The following CFAP299 variants were observed in gnomAD, a reference collection of about 807,000 sequenced individuals.
CFAP299 encodes cilia and flagella associated protein 299, also known as cilia- and flagella-associated protein 299.
CFAP299 carries 21 observed loss-of-function variants against 27.0 expected under a neutral mutation model. The observed-to-expected ratio is 0.78, with a 90% CI of 0.55 to 1.12. The LOEUF (loss-of-function observed/expected upper bound fraction) is 1.12. Among genes scored for constraint, CFAP299 ranks in the 50% most tolerant of loss-of-function variants. The pLI is 0.00. For missense variants in CFAP299, 310 were observed against 276.6 expected (o/e 1.12, Z -0.86); for synonymous variants, 104 against 98.1 (o/e 1.06, Z -0.36).
chr4:80,516,862 G>T (rs779327203), intron 2 of CFAP299, among the ~76,000 whole-genome samples: 1 of 152,094 alleles, frequency 6.6e-6, no homozygotes, highest in Admixed American at 6.5e-5. Flanking sequence ...TTAAGTGTAG[G>T]CTACTTATTT....
chr4:80,788,111 T>A (rs1727349097), intron 3 of CFAP299, among the ~76,000 whole-genome samples: 2 of 152,084 alleles, frequency 1.3e-5, no homozygotes, highest in African/African-American at 4.8e-5. Context: ...TCAATGCTGC[T>A]AATCTGGGGA....
chr4:80,759,875 G>A (rs1307039342), intron 3 of CFAP299, among the ~76,000 whole-genome samples: 1 of 150,422 alleles, frequency 6.6e-6, no homozygotes, highest in African/African-American at 2.4e-5. Context: ...CCTTAAACGT[G>A]TTTTTTTTTG....
At chr4:80,338,827 A>T (rs1299991905) in intron 1 of CFAP299, among the ~76,000 whole-genome samples, 1 of 152,166 alleles carries the variant, frequency 6.6e-6, no homozygotes, top group Non-Finnish European at 1.5e-5. Flanking sequence ...TCTTCCAGGT[A>T]CTCTTGTATT....
intron 2 of CFAP299, among the ~76,000 whole-genome samples, chr4:80,429,600 A>G (rs1727708019): frequency 1.3e-5 from 2 of 152,058 alleles, no homozygotes; most frequent in Non-Finnish European, 2.9e-5. Context: ...ATGTGGACTG[A>G]GCTTGGTTAT....
chr4:80,636,850 AT>A (rs1348037866), intron 3 of CFAP299, among the ~76,000 whole-genome samples: 1 of 152,172 alleles, frequency 6.6e-6, no homozygotes, highest in Non-Finnish European at 1.5e-5. Context: ...AACCTAAAAT[AT>A]TTACTTGTTC....
intron 3 of CFAP299, among the ~76,000 whole-genome samples, chr4:80,863,511 C>G (rs1732509686): frequency 2.0e-5 from 3 of 152,156 alleles, no homozygotes; most frequent in Admixed American, 1.3e-4. Context: ...CTTTTGAGGT[C>G]ACAGGCTCCC....
At chr4:80,723,181 C>T (rs1722937689) in intron 3 of CFAP299, among the ~76,000 whole-genome samples, 1 of 152,104 alleles carries the variant, frequency 6.6e-6, no homozygotes. Context: ...CTTAGGTGAA[C>T]TTTTTGGTAG....
At position 80,410,724 on chromosome 4, in the gene CFAP299, A is replaced by G. The variant is rs1726679809; in HGVS notation, c.242+47840A>G. On this transcript the variant is annotated intron_variant, in intron 2 of 5. Transcript: ENST00000358105. The stretch of plus-strand genomic sequence containing the variant: ...AAGCATTGCATTAATTATCTCACTT[A>G]TCACTGGGTGGTGGTGTGTTTCTCC... 2.0e-5 allele frequency among the ~76,000 whole-genome samples: 3 copies of G among 152,306 alleles called. No individual in the cohort carries two copies. The South Asian group carries it at 6.2e-4, about 32-fold the overall frequency.
chr4:80,684,876 G>C (rs1720086732), intron 3 of CFAP299, among the ~76,000 whole-genome samples: 1 of 151,730 alleles, frequency 6.6e-6, no homozygotes, highest in African/African-American at 2.4e-5. Flanking sequence ...TGTTTGTTAA[G>C]CCCAGGTGCT....
At chr4:80,920,271 A>C (rs893965273) in intron 4 of CFAP299, among the ~76,000 whole-genome samples, 1 of 152,104 alleles carries the variant, frequency 6.6e-6, no homozygotes, top group Admixed American at 6.6e-5. Flanking sequence ...CATTGAATAC[A>C]TGCTATATCC....
At chr4:80,386,189 C>T (rs1724969991) in intron 2 of CFAP299, 15 of 793,314 alleles carry the variant, frequency 1.9e-5, no homozygotes, top group African/African-American at 3.5e-5. Context: ...CACTCTGAGG[C>T]CTCGATGTAG....
intron 4 of CFAP299, among the ~76,000 whole-genome samples, chr4:80,904,616 T>A (rs1735090638): frequency 6.6e-6 from 1 of 151,950 alleles, no homozygotes; most frequent in African/African-American, 2.4e-5. Flanking sequence ...AGTTAGGCCC[T>A]AAAAAAAGAG....
intron 3 of CFAP299, among the ~76,000 whole-genome samples, chr4:80,848,836 A>G (rs965517092): frequency 1.3e-5 from 2 of 152,150 alleles, no homozygotes; most frequent in Admixed American, 6.6e-5. Context: ...GTACACCTGT[A>G]TAAGGCACTT....
At chr4:80,427,573 G>A (rs1208634524) in intron 2 of CFAP299, among the ~76,000 whole-genome samples, 3 of 152,118 alleles carry the variant, frequency 2.0e-5, no homozygotes, top group Admixed American at 6.5e-5. Context: ...TGTGTGATAT[G>A]CACATTTCTG....
At chr4:80,862,182 C>G (rs1343923880) in intron 3 of CFAP299, among the ~76,000 whole-genome samples, 3 of 152,086 alleles carry the variant, frequency 2.0e-5, no homozygotes, top group Non-Finnish European at 4.4e-5. Context: ...CCAGCCTAGT[C>G]AACATGGTGA....
chr4:80,880,751 A>AT (rs372576956), intron 4 of CFAP299, among the ~76,000 whole-genome samples: 6,962 of 149,116 alleles, frequency 0.047, 249 homozygotes, highest in Middle Eastern at 0.13. Context: ...ATAAAATAAA[A>AT]TAAAATTAAA....
At chr4:80,687,733 G>A (rs1240234206) in intron 3 of CFAP299, among the ~76,000 whole-genome samples, 2 of 152,194 alleles carry the variant, frequency 1.3e-5, no homozygotes, top group East Asian at 1.9e-4. Flanking sequence ...CCCAGCGTGA[G>A]CGACGCAGAA....
intron 2 of CFAP299, among the ~76,000 whole-genome samples, chr4:80,383,140 C>G (rs1427371183): frequency 6.6e-6 from 1 of 151,936 alleles, no homozygotes; most frequent in Non-Finnish European, 1.5e-5. Flanking sequence ...TCAGAACACA[C>G]TGACACAAAG....
In CFAP299 at chr4:80,941,791, A is replaced by G. The variant is rs184450587; in HGVS notation, c.477-3019A>G. 4.1e-3 allele frequency among the ~76,000 whole-genome samples: 617 copies of G among 152,312 alleles called. 1 individual carries two copies. Among genetic ancestry groups the G allele is most frequent in the Middle Eastern group, 0.014 (4 of 294 alleles). On this transcript the variant is annotated intron_variant, in intron 4 of 5. Coordinates refer to ENST00000358105, the MANE Select transcript of CFAP299 (RefSeq NM_152770.3). ...TTCACTCATGGTGGAAGGCAAAGTG[A>G]GAACAGGCACTTTACATGGTTGGAG...
Sources: gnomAD v4.1 joint callset for allele counts (sites outside exome capture counted in the v4.1 genomes callset) on GRCh38, gnomAD v4.1.1 for gene constraint, MANE v1.5 for transcripts, NCBI Gene and HGNC (gene_info 2026-07-23, HGNC 2026-07-21) for gene names.